CDH13: variants seen among roughly 807,000 people sequenced by gnomAD.
The protein encoded by CDH13 is cadherin 13, also known as cadherin-13.
In CDH13, 24 loss-of-function variants were observed where a neutral mutation model predicts 63.8. The observed-to-expected ratio is 0.38, with a 90% confidence interval of 0.27 to 0.53. The LOEUF (loss-of-function observed/expected upper bound fraction) is 0.53, where lower values mean the gene tolerates loss of function less well. Among genes scored for constraint, CDH13 ranks in the 20% least tolerant of loss-of-function variants. The probability of loss-of-function intolerance (pLI) is 0.85; values close to 1 mark genes in which losing one functional copy is unlikely to be tolerated. For missense variants in CDH13, 1,049 were observed against 903.1 expected (o/e 1.16, Z -2.07); for synonymous variants, 503 against 355.3 (o/e 1.42, Z -4.67).
intron 8 of CDH13, among the ~76,000 whole-genome samples, chr16:83,653,317 C>T (rs965108822): frequency 3.9e-5 from 6 of 152,058 alleles, no homozygotes; most frequent in African/African-American, 1.2e-4. Flanking sequence ...AATCATAGCG[C>T]AATAAAACTG....
At chr16:82,838,743 A>G (rs368232318) in intron 1 of CDH13, among the ~76,000 whole-genome samples, 4 of 152,170 alleles carry the variant, frequency 2.6e-5, no homozygotes, top group African/African-American at 2.4e-5. Flanking sequence ...TTGTCCCAGT[A>G]CTTCTCTCAT....
intron 5 of CDH13, among the ~76,000 whole-genome samples, chr16:83,277,638 C>T (rs889077257): frequency 6.6e-6 from 1 of 152,142 alleles, no homozygotes; most frequent in Non-Finnish European, 1.5e-5. Flanking sequence ...CCAGAGGCTT[C>T]CTGGTGTACA....
At chr16:83,578,830 A>G (rs1354730091) in intron 7 of CDH13, among the ~76,000 whole-genome samples, 1 of 152,200 alleles carries the variant, frequency 6.6e-6, no homozygotes, top group Non-Finnish European at 1.5e-5. Flanking sequence ...TATGTGTATC[A>G]TTTCATTAGT....
At chr16:83,505,272 G>C (rs574029091) in intron 7 of CDH13, among the ~76,000 whole-genome samples, 1 of 152,180 alleles carries the variant, frequency 6.6e-6, no homozygotes, top group Non-Finnish European at 1.5e-5. Flanking sequence ...CCTAGCGGGC[G>C]TTAGCCTACA....
chr16:82,926,909 C>A (rs922198237), intron 2 of CDH13, among the ~76,000 whole-genome samples: 2 of 152,164 alleles, frequency 1.3e-5, no homozygotes, highest in African/African-American at 4.8e-5. Flanking sequence ...AACTTACCAT[C>A]TTAAAGCAAT....
intron 2 of CDH13, among the ~76,000 whole-genome samples, chr16:82,946,309 G>T (rs1904709894): frequency 6.6e-6 from 1 of 152,068 alleles, no homozygotes; most frequent in Non-Finnish European, 1.5e-5. Context: ...AAGAACATCA[G>T]CAGCTTCTCA....
chr16:83,614,179 C>G (rs1024645003), intron 8 of CDH13, among the ~76,000 whole-genome samples: 4 of 152,082 alleles, frequency 2.6e-5, no homozygotes, highest in African/African-American at 9.7e-5. Flanking sequence ...GAGAGGATTC[C>G]CTTTTGCTTT....
intron 1 of CDH13, among the ~76,000 whole-genome samples, chr16:82,703,298 C>A (rs539105607): frequency 6.6e-6 from 1 of 152,022 alleles, no homozygotes; most frequent in African/African-American, 2.4e-5. Context: ...ACTTATGTTC[C>A]GTCCCCCCAC....
At chr16:82,687,641 G>A (rs1466969066) in intron 1 of CDH13, among the ~76,000 whole-genome samples, 1 of 152,098 alleles carries the variant, frequency 6.6e-6, no homozygotes, top group Non-Finnish European at 1.5e-5. Context: ...CCGAGATTCA[G>A]TTACCTCCCA....
intron 5 of CDH13, among the ~76,000 whole-genome samples, chr16:83,337,930 A>G (rs2090634246): frequency 6.6e-6 from 1 of 152,068 alleles, no homozygotes; most frequent in African/African-American, 2.4e-5. Context: ...AAGATAATGA[A>G]ACAAAAAAAA....
At chr16:83,581,944 A>G (rs1245381836) in intron 7 of CDH13, among the ~76,000 whole-genome samples, 1 of 152,202 alleles carries the variant, frequency 6.6e-6, no homozygotes, top group African/African-American at 2.4e-5. Context: ...CTGCTCATCC[A>G]GAATGCAGGC....
At chr16:82,961,507 A>G (rs949136372) in intron 2 of CDH13, among the ~76,000 whole-genome samples, 3 of 148,838 alleles carry the variant, frequency 2.0e-5, no homozygotes, top group Non-Finnish European at 4.4e-5. Flanking sequence ...ACAAACTATT[A>G]TGAAGCCCCT....
rs564092134 is a variant in CDH13 at position 83,512,964 on chromosome 16, C to T, written c.960+26309C>T. Reference sequence around the variant, plus strand: ...GATCAAGCCCTGCAAGCTTTTTAACCCTGGTCCTGGGCAGTCAGCTAAATC... The same window carrying T: ...GATCAAGCCCTGCAAGCTTTTTAACTCTGGTCCTGGGCAGTCAGCTAAATC... On this transcript the variant is annotated intron_variant, in intron 7 of 13. Coordinates refer to ENST00000567109, the MANE Select transcript of CDH13 (RefSeq NM_001257.5). Among the ~76,000 whole-genome samples, 624 of 151,866 alleles carry T rather than the reference C, an allele frequency of 4.1e-3. 8 individuals carry two copies. Among genetic ancestry groups the T allele is most frequent in the South Asian group, 0.038 (181 of 4,798 alleles).
chr16:83,464,792 C>G (rs2073267451), intron 6 of CDH13, among the ~76,000 whole-genome samples: 1 of 152,106 alleles, frequency 6.6e-6, no homozygotes, highest in African/African-American at 2.4e-5. Flanking sequence ...GGGGAGGACC[C>G]TAGTCAACCT....
intron 2 of CDH13, among the ~76,000 whole-genome samples, chr16:83,006,775 A>G (rs1230124599): frequency 1.3e-5 from 2 of 152,320 alleles, no homozygotes; most frequent in Non-Finnish European, 2.9e-5. Flanking sequence ...TTTCATCCCA[A>G]TAAGTTATTT....
chr16:82,882,372 G>T (rs1011123655), intron 2 of CDH13, among the ~76,000 whole-genome samples: 2 of 152,118 alleles, frequency 1.3e-5, no homozygotes, highest in African/African-American at 4.8e-5. Flanking sequence ...AAGTCACTGG[G>T]ACTGAAATCC....
chr16:83,236,023 A>C (rs1166433906), intron 5 of CDH13, among the ~76,000 whole-genome samples: 4 of 152,234 alleles, frequency 2.6e-5, no homozygotes, highest in Non-Finnish European at 5.9e-5. Flanking sequence ...AATAATTTGC[A>C]TTTAAATGCG....
At chr16:83,142,579 C>G (rs1200212012) in intron 4 of CDH13, among the ~76,000 whole-genome samples, 1 of 152,180 alleles carries the variant, frequency 6.6e-6, no homozygotes, top group East Asian at 1.9e-4. Context: ...TCATGTGTAG[C>G]CGTTCGCCTA....
intron 7 of CDH13, among the ~76,000 whole-genome samples, chr16:83,551,179 T>G (rs1349439682): frequency 6.6e-6 from 1 of 152,066 alleles, no homozygotes; most frequent in Non-Finnish European, 1.5e-5. Flanking sequence ...CCTCCCGGGT[T>G]CAAGTGATTC....
Sources: gnomAD v4.1 joint callset for allele counts (sites outside exome capture counted in the v4.1 genomes callset) on GRCh38, gnomAD v4.1.1 for gene constraint, MANE v1.5 for transcripts, NCBI Gene and HGNC (gene_info 2026-07-23, HGNC 2026-07-21) for gene names.